SLC9A2: variants seen among roughly 807,000 people sequenced by gnomAD.
The protein encoded by SLC9A2 is solute carrier family 9 member A2.
In SLC9A2, 42 loss-of-function variants were observed where a neutral mutation model predicts 71.7. The ratio of observed to expected loss-of-function variants is 0.59; its 90% confidence interval spans 0.46 to 0.76. The LOEUF (loss-of-function observed/expected upper bound fraction) is 0.76, where lower values mean the gene tolerates loss of function less well. Ranked by LOEUF, SLC9A2 falls within the 30% of genes least tolerant of loss-of-function variation. SLC9A2 has a pLI of 0.00. For synonymous variants in SLC9A2, 396 were observed against 392.5 expected (o/e 1.01, Z -0.10); for missense variants, 829 against 1,017.4 (o/e 0.81, Z 2.52).
intron 5 of SLC9A2, among the ~76,000 whole-genome samples, chr2:102,693,324 A>G (rs1380214982): frequency 1.3e-5 from 2 of 152,174 alleles, no homozygotes; most frequent in African/African-American, 2.4e-5. Flanking sequence ...TCATCTGTCT[A>G]TTCTTCTCAG....
intron 1 of SLC9A2, among the ~76,000 whole-genome samples, chr2:102,643,076 T>C (rs1676641418): frequency 6.6e-6 from 1 of 152,202 alleles, no homozygotes; most frequent in African/African-American, 2.4e-5. Context: ...TCTGTAGTGA[T>C]ACAGTTTCAT....
intron 3 of SLC9A2, among the ~76,000 whole-genome samples, chr2:102,674,884 A>G (rs540967062): frequency 1.1e-3 from 168 of 152,326 alleles, no homozygotes; most frequent in Non-Finnish European, 1.5e-3. Context: ...TCTCCAAAGC[A>G]TGAAACCAGG....
intron 5 of SLC9A2, among the ~76,000 whole-genome samples, chr2:102,688,284 G>A (rs1223520134): frequency 6.6e-6 from 1 of 152,170 alleles, no homozygotes; most frequent in Admixed American, 6.5e-5. Flanking sequence ...CTCTAAGCCT[G>A]CTTTTTGCAG....
chr2:102,666,993 T>C (rs1677152882), intron 3 of SLC9A2, among the ~76,000 whole-genome samples: 1 of 152,232 alleles, frequency 6.6e-6, no homozygotes, highest in South Asian at 2.1e-4. Flanking sequence ...TTTTGCCATA[T>C]ATCAGCACGT....
chr2:102,628,482 T>G (rs1437130348), intron 1 of SLC9A2, among the ~76,000 whole-genome samples: 1 of 152,114 alleles, frequency 6.6e-6, no homozygotes, highest in African/African-American at 2.4e-5. Context: ...AAAGATGAAT[T>G]CTCATGATCC....
chr2:102,658,080 C>A, intron 2 of SLC9A2, 53 bp downstream of exon 2: 1 of 1,376,174 alleles, frequency 7.3e-7, no homozygotes, highest in Non-Finnish European at 1.0e-6. Flanking sequence ...GCCCAGCCAC[C>A]TGCAGTGGCT....
rs555072258 is a variant in SLC9A2 at position 102,648,872 on chromosome 2, T to C, written c.290-8692T>C. Among the ~76,000 whole-genome samples the C allele has an allele frequency of 3.9e-5, 6 of 152,286 alleles. No homozygotes were observed. In the East Asian group the frequency reaches 1.2e-3, roughly 29 times the overall value. On this transcript the variant is annotated intron_variant, in intron 1 of 11. Coordinates refer to ENST00000233969, the MANE Select transcript of SLC9A2 (RefSeq NM_003048.6). ...TGGAAAAACATTCCATGCTCATGGA[T>C]AGGAAGAATCAATATCATGAAAATG...
intron 3 of SLC9A2, among the ~76,000 whole-genome samples, chr2:102,669,032 G>C (rs1216529325): frequency 6.6e-6 from 1 of 152,208 alleles, no homozygotes; most frequent in Non-Finnish European, 1.5e-5. Flanking sequence ...AGAGGAAAGT[G>C]CTGGACAGGA....
intron 1 of SLC9A2, among the ~76,000 whole-genome samples, chr2:102,629,083 G>A (rs1676308875): frequency 6.6e-6 from 1 of 152,066 alleles, no homozygotes; most frequent in African/African-American, 2.4e-5. Flanking sequence ...TAATTACGGT[G>A]TTAAAATCTT....
intron 2 of SLC9A2, among the ~76,000 whole-genome samples, chr2:102,660,223 C>T (rs181411246): frequency 7.2e-5 from 11 of 152,266 alleles, no homozygotes; most frequent in Non-Finnish European, 1.0e-4. Flanking sequence ...GGAAGGCAGG[C>T]GGCCAAAGTG....
intron 1 of SLC9A2, among the ~76,000 whole-genome samples, chr2:102,647,266 A>C (rs922597019): frequency 1.3e-5 from 2 of 152,336 alleles, no homozygotes; most frequent in Middle Eastern, 3.4e-3. Context: ...TAAATAAATT[A>C]AGGCAGAAAT....
intron 3 of SLC9A2, among the ~76,000 whole-genome samples, chr2:102,676,498 A>G (rs1677347202): frequency 6.6e-6 from 1 of 152,256 alleles, no homozygotes; most frequent in Non-Finnish European, 1.5e-5. Flanking sequence ...TATGCAATGG[A>G]CAAGTCTTCA....
At chr2:102,699,635 TG>T (rs1297265666) in intron 7 of SLC9A2, among the ~76,000 whole-genome samples, 5 of 152,206 alleles carry the variant, frequency 3.3e-5, no homozygotes, top group Non-Finnish European at 7.3e-5. Flanking sequence ...CAGAAATTGC[TG>T]ATGGCGCAAA....
chr2:102,620,817 T>G (rs1286102024), intron 1 of SLC9A2, among the ~76,000 whole-genome samples: 1 of 151,866 alleles, frequency 6.6e-6, no homozygotes, highest in Non-Finnish European at 1.5e-5. Context: ...GACGTGAGGA[T>G]CCCTTGAGGC....
chr2:102,639,723 C>A (rs1008499297), intron 1 of SLC9A2, among the ~76,000 whole-genome samples: 5 of 151,820 alleles, frequency 3.3e-5, no homozygotes, highest in Admixed American at 1.3e-4. Context: ...CTCCCTTGAG[C>A]CCCTGGTAAA....
intron 3 of SLC9A2, among the ~76,000 whole-genome samples, chr2:102,676,673 GA>G (rs1175473468): frequency 6.6e-6 from 1 of 152,204 alleles, no homozygotes; most frequent in Non-Finnish European, 1.5e-5. Context: ...AGGTTTTCTG[GA>G]AGAAGCAATT....
chr2:102,677,009 T>C (rs779766335), intron 3 of SLC9A2, among the ~76,000 whole-genome samples: 9 of 152,190 alleles, frequency 5.9e-5, no homozygotes, highest in Non-Finnish European at 1.3e-4. Context: ...ACAGTTCAGA[T>C]TGTAGATAAA....
At chr2:102,707,428 C>G (rs1678003066) in intron 11 of SLC9A2, among the ~76,000 whole-genome samples, 1 of 150,826 alleles carries the variant, frequency 6.6e-6, no homozygotes, top group Non-Finnish European at 1.5e-5. Context: ...ATATTTAGAA[C>G]AGTGGCCCGT....
intron 5 of SLC9A2, among the ~76,000 whole-genome samples, chr2:102,689,421 T>C (rs1200361892): frequency 6.6e-6 from 1 of 152,178 alleles, no homozygotes; most frequent in Non-Finnish European, 1.5e-5. Flanking sequence ...GGGCCCATGG[T>C]GGGGTAGCCT....
Sources: allele counts gnomAD v4.1 joint callset (sites outside exome capture counted in the v4.1 genomes callset), GRCh38; gene constraint gnomAD v4.1.1; transcripts MANE v1.5; gene names NCBI Gene and HGNC (gene_info 2026-07-23, HGNC 2026-07-21).